CBFB: variants seen among roughly 807,000 people sequenced by gnomAD.
The protein encoded by CBFB is CBF-beta.
A neutral mutation model predicts 30.4 loss-of-function variants in CBFB; 9 were observed. The observed-to-expected ratio is 0.30, with a 90% CI of 0.18 to 0.52. The LOEUF (loss-of-function observed/expected upper bound fraction) is 0.52, where lower values mean the gene tolerates loss of function less well. CBFB is among the 20% of genes least tolerant of loss of function. The pLI is 0.97. For missense variants in CBFB, 170 were observed against 244.0 expected (o/e 0.70, Z 2.02); for synonymous variants, 94 against 84.0 (o/e 1.12, Z -0.65).
At chr16:67,079,919 G>C (rs553996126) in intron 4 of CBFB, among the ~76,000 whole-genome samples, 2 of 152,128 alleles carry the variant, frequency 1.3e-5, no homozygotes, top group Non-Finnish European at 2.9e-5. Context: ...GGCCAAGTCA[G>C]GCAAATCACT....
At chr16:67,046,386 C>T (rs1481304898) in intron 3 of CBFB, among the ~76,000 whole-genome samples, 1 of 152,102 alleles carries the variant, frequency 6.6e-6, no homozygotes, top group Non-Finnish European at 1.5e-5. Flanking sequence ...CAGGCATGTA[C>T]CCATCATTTT....
chr16:67,048,823 C>CT (rs559010433), intron 3 of CBFB, among the ~76,000 whole-genome samples: 3,777 of 85,798 alleles, frequency 0.044, 88 homozygotes, highest in South Asian at 0.085. Context: ...TTTTTTTTTT[C>CT]TTTTTTTTTT....
chr16:67,047,900 C>T (rs553793207), intron 3 of CBFB, among the ~76,000 whole-genome samples: 171 of 152,050 alleles, frequency 1.1e-3, no homozygotes, highest in Non-Finnish European at 1.4e-3. Flanking sequence ...GAAGCCCCGT[C>T]TCTACTAGGA....
At chr16:67,068,951 A>G (rs1206723255) in intron 4 of CBFB, among the ~76,000 whole-genome samples, 1 of 152,216 alleles carries the variant, frequency 6.6e-6, no homozygotes, top group African/African-American at 2.4e-5. Flanking sequence ...TGGTTGGCTC[A>G]TGCCTATAAT....
chr16:67,066,895 T>G (rs1452850531), intron 4 of CBFB, 97 bp downstream of exon 4: 4 of 664,092 alleles, frequency 6.0e-6, no homozygotes, highest in Non-Finnish European at 1.1e-5. Context: ...AGAGTAAGTA[T>G]AGAAAGTATT....
intron 3 of CBFB, 108 bp downstream of exon 3, chr16:67,036,863 G>T: frequency 2.8e-6 from 2 of 701,806 alleles, no homozygotes; most frequent in Admixed American, 4.4e-5. Context: ...ACCAGCATAT[G>T]CTCAGATTTG....
chr16:67,071,118 C>T (rs979611481), intron 4 of CBFB, among the ~76,000 whole-genome samples: 1 of 152,112 alleles, frequency 6.6e-6, no homozygotes, highest in Admixed American at 6.6e-5. Context: ...GCAATCAGTA[C>T]TTCCCTGTAG....
At chr16:67,034,300 A>G (rs1295644600) in intron 2 of CBFB, among the ~76,000 whole-genome samples, 1 of 152,246 alleles carries the variant, frequency 6.6e-6, no homozygotes, top group Non-Finnish European at 1.5e-5. Context: ...TTGGATTGGC[A>G]CAAGGTGTGC....
At chr16:67,046,903 C>CT (rs998139041) in intron 3 of CBFB, among the ~76,000 whole-genome samples, 40 of 152,048 alleles carry the variant, frequency 2.6e-4, no homozygotes, top group African/African-American at 9.4e-4. Context: ...ATTATTGTTC[C>CT]TTTTTTTATG....
At chr16:67,047,991 C>G (rs535316039) in intron 3 of CBFB, among the ~76,000 whole-genome samples, 76 of 152,224 alleles carry the variant, frequency 5.0e-4, no homozygotes, top group African/African-American at 1.7e-3. Context: ...ATCACTTGAA[C>G]CTGGGAGGCA....
At chr16:67,055,838 G>A (rs953576931) in intron 3 of CBFB, among the ~76,000 whole-genome samples, 18 of 152,322 alleles carry the variant, frequency 1.2e-4, no homozygotes, top group African/African-American at 4.1e-4. Context: ...GCAGCTGACT[G>A]TCCATTTATG....
chr16:67,098,560 G>A, intron 5 of CBFB, 150 bp from the exon 6 acceptor site: 1 of 551,316 alleles, frequency 1.8e-6, no homozygotes, highest in Admixed American at 3.1e-5. Flanking sequence ...ATTTTAATTG[G>A]TTTTTTTTTG....
intron 3 of CBFB, among the ~76,000 whole-genome samples, chr16:67,057,639 T>C (rs920287163): frequency 2.6e-5 from 4 of 152,210 alleles, no homozygotes; most frequent in African/African-American, 9.7e-5. Context: ...AATAGTTATC[T>C]TGTTCTGATT....
chr16:67,100,153 TTAC>T lies in CBFB; in HGVS notation c.*1379_*1381del. The T allele has an allele frequency of 4.7e-6, 1 of 211,198 alleles. No homozygotes were observed. The highest frequency in any genetic ancestry group is 9.6e-6 in the Non-Finnish European group (1 of 103,964). 13.1% of individuals were successfully genotyped at this position (211,198 alleles called of 1,614,324 possible). On this transcript the variant is annotated 3_prime_UTR_variant, in exon 6 of 6. Coordinates refer to ENST00000412916, the MANE Select transcript of CBFB (RefSeq NM_022845.3). ...TTTTCATGGTCACATTTATTAAATG[TTAC>T]TACATTTCTGAATTTTTGAAAAATG...
chr16:67,065,914 A>T (rs1325383413), intron 3 of CBFB, among the ~76,000 whole-genome samples: 1 of 152,220 alleles, frequency 6.6e-6, no homozygotes, highest in Non-Finnish European at 1.5e-5. Flanking sequence ...ATTAAATTTC[A>T]TAAGTCCCAT....
intron 3 of CBFB, among the ~76,000 whole-genome samples, chr16:67,051,933 A>ACG (rs1960557002): frequency 1.3e-5 from 2 of 151,636 alleles, no homozygotes; most frequent in South Asian, 2.1e-4. Flanking sequence ...ACACACACAC[A>ACG]CACACACACA....
At chr16:67,093,468 G>A (rs1486880813) in intron 5 of CBFB, 6 of 141,718 alleles carry the variant, frequency 4.2e-5, no homozygotes, top group Non-Finnish European at 9.0e-5. Flanking sequence ...CCTCGTGGCT[G>A]TTTCTGCATA....
At chr16:67,079,882 T>TA (rs1266442880) in intron 4 of CBFB, among the ~76,000 whole-genome samples, 16 of 152,176 alleles carry the variant, frequency 1.1e-4, no homozygotes, top group Non-Finnish European at 2.1e-4. Flanking sequence ...CACAGTGGCT[T>TA]ACGCCTATAA....
chr16:67,044,900 G>T (rs1028553504), intron 3 of CBFB, among the ~76,000 whole-genome samples: 1 of 152,154 alleles, frequency 6.6e-6, no homozygotes, highest in Non-Finnish European at 1.5e-5. Flanking sequence ...TTCTTCAAGA[G>T]AAATTAGACA....
Sources: gnomAD v4.1 joint callset for allele counts (sites outside exome capture counted in the v4.1 genomes callset) on GRCh38, gnomAD v4.1.1 for gene constraint, MANE v1.5 for transcripts, NCBI Gene and HGNC (gene_info 2026-07-23, HGNC 2026-07-21) for gene names.